Variants in CD5 observed in about 807,000 individuals in gnomAD.
CD5 encodes CD5 molecule.
CD5 carries 36 observed loss-of-function variants against 60.3 expected under a neutral mutation model. The observed-to-expected ratio is 0.60, with a 90% confidence interval of 0.46 to 0.79. CD5 has a LOEUF of 0.79. Ranked by LOEUF, CD5 falls within the 30% of genes least tolerant of loss-of-function variation. The probability of loss-of-function intolerance (pLI) is 0.00; values close to 1 mark genes in which losing one functional copy is unlikely to be tolerated. For synonymous variants in CD5, 230 were observed against 257.6 expected, an observed-to-expected ratio of 0.89 and a Z score of 1.03; for missense variants, 540 against 630.6, an observed-to-expected ratio of 0.86 and a Z score of 1.54.
intron 6 of CD5, 61 bp from the exon 7 acceptor site, chr11:61,122,846 C>A: frequency 6.6e-7 from 1 of 1,524,418 alleles, no homozygotes; most frequent in South Asian, 1.2e-5. Flanking sequence ...CCAGCAGCTT[C>A]CCTCCCACAG....
At position 61,119,081 on chromosome 11, in the gene CD5, T is replaced by C. The variant is rs1005789384; in HGVS notation, c.463+104T>C. ...CTGACAAAGGTGGAAATGTTTAGTA[T>C]TGGTGTGTTCTACGCAATATTTGGG... On this transcript the variant is annotated intron_variant, in intron 4 of 10. Coordinates refer to ENST00000347785, the MANE Select transcript of CD5 (RefSeq NM_014207.4). 7.4e-6 allele frequency: 9 copies of C among 1,210,004 alleles called. No individual in the cohort carries two copies. In the African/African-American group the frequency reaches 7.6e-5, roughly 10 times the overall value. The allele number at this position is 1,210,004 out of a possible 1,614,324, so 75.0% of individuals were successfully genotyped here. A position where few individuals can be genotyped will look rare whatever the true frequency, so the allele number is the denominator to read the frequency against.
At chr11:61,094,560 T>C in the CD5 span, among the ~76,000 whole-genome samples, 18 of 152,190 alleles carry the variant, frequency 1.2e-4, no homozygotes, top group Non-Finnish European at 1.9e-4. Flanking sequence ...TGCTTGATAC[T>C]TTGGTTTTGG....
chr11:61,103,717 T>TGG (rs1590765004), intron 1 of CD5, among the ~76,000 whole-genome samples: 1 of 115,718 alleles, frequency 8.6e-6, no homozygotes, highest in Admixed American at 8.7e-5. Flanking sequence ...GTACTGTGTG[T>TGG]AGGGGAATGT....
At chr11:61,103,034 G>C (rs761575934) in intron 1 of CD5, among the ~76,000 whole-genome samples, 4 of 152,238 alleles carry the variant, frequency 2.6e-5, no homozygotes, top group Non-Finnish European at 4.4e-5. Flanking sequence ...GAAACTCGCC[G>C]TCTCCGAGGC....
At chr11:61,119,212 C>T (rs754800765) in intron 4 of CD5, 22 bp from the exon 5 acceptor site, 2 of 1,559,706 alleles carry the variant, frequency 1.3e-6, no homozygotes, top group Non-Finnish European at 8.7e-7. Flanking sequence ...GTGGCTCCCC[C>T]TCCTGCTCTC....
intron 1 of CD5, among the ~76,000 whole-genome samples, chr11:61,113,063 TG>T (rs753576368): frequency 1.2e-4 from 19 of 152,320 alleles, no homozygotes; most frequent in African/African-American, 2.9e-4. Flanking sequence ...CTTGAGCCAT[TG>T]GCCCAGCTAA....
Position 61,121,647 on chromosome 11 carries a change from G to T in CD5, c.842G>T (p.Gly281Val). ...QPKVQSRLVGGSSICEGTVEV... is the reference protein window; with the variant it reads ...QPKVQSRLVGVSSICEGTVEV... Reference sequence around the variant, plus strand: ...AAGGTGCAGAGCCGTCTGGTGGGGGGCAGCAGCATCTGTGAAGGCACCGTG... The same window carrying T: ...AAGGTGCAGAGCCGTCTGGTGGGGGTCAGCAGCATCTGTGAAGGCACCGTG... The change falls in exon 6 of 11, where the codon GGC becomes GTC. Residue 281 changes from glycine to valine, a missense_variant. Coordinates refer to ENST00000347785, the MANE Select transcript of CD5 (RefSeq NM_014207.4). The T allele has an allele frequency of 2.6e-6, 4 of 1,543,836 alleles. No individual in the cohort carries two copies. The highest frequency in any genetic ancestry group is 3.5e-6 in the Non-Finnish European group (4 of 1,140,160).
chr11:61,124,350 T>C (rs1277210140), intron 8 of CD5, among the ~76,000 whole-genome samples: 1 of 152,210 alleles, frequency 6.6e-6, no homozygotes, highest in Admixed American at 6.5e-5. Flanking sequence ...CAGCTAAGCA[T>C]AGCTATTTCA....
At chr11:61,102,440 T>TCCC, upstream of CD5, 1 of 507,684 alleles carries the variant, frequency 2.0e-6, no homozygotes. Flanking sequence ...CTGCTCCCCG[T>TCCC]CCCACCCCTC....
intron 7 of CD5, among the ~76,000 whole-genome samples, chr11:61,123,482 G>C (rs1861099421): frequency 6.6e-6 from 1 of 152,144 alleles, no homozygotes; most frequent in Non-Finnish European, 1.5e-5. Context: ...TGAACGCGGG[G>C]GGTTGTTCTC....
chr11:61,098,654 G>T (rs1332624292), upstream of CD5, among the ~76,000 whole-genome samples: 1 of 152,150 alleles, frequency 6.6e-6, no homozygotes, highest in Non-Finnish European at 1.5e-5. Flanking sequence ...CCCCCTGCTT[G>T]CTCAATCGAT....
upstream of CD5, among the ~76,000 whole-genome samples, chr11:61,099,388 ACACACACATCAACATGGAAAT>A (rs1463708998): frequency 4.9e-5 from 7 of 143,706 alleles, no homozygotes; most frequent in East Asian, 8.6e-4. Flanking sequence ...TGGAAATCAC[ACACACACATCAACATGGAAAT>A]CACACACATC....
intron 1 of CD5, 23 bp downstream of exon 1, chr11:61,102,638 CT>C: frequency 6.4e-7 from 1 of 1,569,574 alleles, no homozygotes; most frequent in African/African-American, 1.3e-5. Flanking sequence ...CCCAGGTGTC[CT>C]GCGAACACCC....
chr11:61,102,447 C>G (rs1464775390), upstream of CD5: 1 of 547,456 alleles, frequency 1.8e-6, no homozygotes, highest in Non-Finnish European at 3.3e-6. Flanking sequence ...CCGTCCCACC[C>G]CTCCCTGAGC....
chr11:61,123,055 GC>G, intron 7 of CD5, 23 bp downstream of exon 7: 1 of 1,589,682 alleles, frequency 6.3e-7, no homozygotes, highest in African/African-American at 1.3e-5. Context: ...GCCCTGAGTG[GC>G]TCCGTTCCCA....
intron 10 of CD5, among the ~76,000 whole-genome samples, 175 bp downstream of exon 10, chr11:61,126,016 G>A (rs780935789): frequency 6.6e-5 from 10 of 152,204 alleles, no homozygotes; most frequent in African/African-American, 9.7e-5. Context: ...TAGGTTATAC[G>A]AGCTGATTTG....
chr11:61,118,601 T>C lies in CD5; in HGVS notation c.400+121T>C, dbSNP rs1861000994. ...TGGAAGGGGTGGGGGGACCCCAGTT[T>C]ATAACCACTCCCCAAGACACATACC... On this transcript the variant is annotated intron_variant, in intron 3 of 10. Transcript: ENST00000347785. The surrounding 1 kb of genome is among the most constrained non-coding windows in gnomAD (Gnocchi z 4.7). The C allele has an allele frequency of 1.0e-6, 1 of 967,476 alleles. No individual in the cohort carries two copies. Among genetic ancestry groups the C allele is most frequent in the African/African-American group, 1.6e-5 (1 of 61,390 alleles). 59.9% of individuals were successfully genotyped at this position (967,476 alleles called of 1,614,324 possible).
intron 1 of CD5, among the ~76,000 whole-genome samples, chr11:61,106,878 T>C (rs1412834318): frequency 6.6e-6 from 1 of 152,142 alleles, no homozygotes; most frequent in Non-Finnish European, 1.5e-5. Flanking sequence ...ATCACTGCAA[T>C]AATTACATCG....
At chr11:61,107,245 T>C (rs560852287) in intron 1 of CD5, among the ~76,000 whole-genome samples, 6 of 152,200 alleles carry the variant, frequency 3.9e-5, no homozygotes, top group African/African-American at 1.2e-4. Flanking sequence ...AGGAGAAGCG[T>C]TGCAGGCAGA....
Sources: gnomAD v4.1 joint callset for allele counts (sites outside exome capture counted in the v4.1 genomes callset) on GRCh38, gnomAD v4.1.1 for gene constraint, Gnocchi (gnomAD v3.1) non-coding constraint, MANE v1.5 for transcripts, NCBI Gene and HGNC (gene_info 2026-07-23, HGNC 2026-07-21) for gene names.